Variants in LEUTX observed in about 807,000 individuals in gnomAD.
LEUTX encodes the protein leucine twenty homeobox, also known as paired-like homeodomain transcription factor LEUTX.
In LEUTX, 5 loss-of-function variants were observed where a neutral mutation model predicts 4.5. That is an observed-to-expected ratio of 1.11 (90% CI 0.58 to 2.34). The LOEUF is 2.34. Among genes scored for constraint, LEUTX ranks in the 30% most tolerant of loss-of-function variants. The probability of loss-of-function intolerance (pLI) is 0.01; values close to 1 mark genes in which losing one functional copy is unlikely to be tolerated. For missense variants in LEUTX, 233 were observed against 239.4 expected (o/e 0.97, Z 0.18); for synonymous variants, 89 against 85.1 (o/e 1.05, Z -0.25).
At chr19:39,783,138 T>C (rs368862557) in intron 1 of LEUTX, among the ~76,000 whole-genome samples, 13 of 151,704 alleles carry the variant, frequency 8.6e-5, no homozygotes, top group African/African-American at 2.9e-4. Context: ...ATGTTTGGTT[T>C]TCCATTCCTG....
intron 1 of LEUTX, among the ~76,000 whole-genome samples, chr19:39,782,201 A>G (rs1009027004): frequency 2.0e-5 from 3 of 152,132 alleles, no homozygotes; most frequent in African/African-American, 7.2e-5. Context: ...ACATCATGCC[A>G]CTATTCTATT....
chr19:39,785,793 A>C lies in LEUTX; in HGVS notation c.255A>C (p.Ser85=), dbSNP rs1287083640. The C allele has an allele frequency of 6.4e-7, 1 of 1,551,762 alleles. No individual in the cohort carries two copies. Among genetic ancestry groups the C allele is most frequent in the East Asian group, 2.4e-5 (1 of 40,928 alleles). The stretch of plus-strand genomic sequence containing the variant: ...TAGGGCCAGCAAACCAGACAACTTC[A>C]GTGAAGAAGGAGGAGACTCCCTCAG... ...PSLGPANQTT[S]VKKEETPSAI... is the part of the protein sequence containing the mutation. The change falls in exon 3 of 3, where the codon TCA becomes TCC. Residue 85 remains serine, a synonymous_variant. Coordinates refer to ENST00000638280, the MANE Select transcript of LEUTX (RefSeq NM_001382345.1).
chr19:39,780,804 C>A (rs1385297483), intron 1 of LEUTX, among the ~76,000 whole-genome samples: 1 of 151,910 alleles, frequency 6.6e-6, no homozygotes, highest in East Asian at 1.9e-4. Flanking sequence ...AGTGCAATAT[C>A]TTTTATCCGA....
chr19:39,779,875 A>T (rs1967859126), intron 1 of LEUTX, among the ~76,000 whole-genome samples: 1 of 152,126 alleles, frequency 6.6e-6, no homozygotes, highest in Non-Finnish European at 1.5e-5. Flanking sequence ...TTAGCCAGGC[A>T]TGGTGGCATG....
At chr19:39,782,324 C>G (rs1967898785) in intron 1 of LEUTX, among the ~76,000 whole-genome samples, 1 of 152,094 alleles carries the variant, frequency 6.6e-6, no homozygotes, top group Admixed American at 6.6e-5. Flanking sequence ...CGGTTTCCCC[C>G]ATACGGTGCT....
Position 39,784,523 on chromosome 19 carries a change from G to A in LEUTX, c.8-4G>A. On this transcript the variant is annotated splice_polypyrimidine_tract_variant and splice_region_variant and intron_variant, in intron 1 of 2. Coordinates refer to ENST00000638280, the MANE Select transcript of LEUTX (RefSeq NM_001382345.1). The stretch of plus-strand genomic sequence containing the variant: ...TGAAAGCCTTTTATCTGTTCCCTCT[G>A]CAGAAGGGCCAAGGCGTTATCGTCG... The A allele has an allele frequency of 1.1e-6, 1 of 935,770 alleles. No individual in the cohort carries two copies. The allele number at this position is 935,770 out of a possible 1,614,324, so 58.0% of individuals were successfully genotyped here.
chr19:39,781,252 C>A (rs1051864791), intron 1 of LEUTX, among the ~76,000 whole-genome samples: 1 of 152,046 alleles, frequency 6.6e-6, no homozygotes, highest in Admixed American at 6.6e-5. Flanking sequence ...CTTCACTGTG[C>A]GATAATTGGG....
In LEUTX at chr19:39,784,659, T is replaced by C; in HGVS notation, c.140T>C (p.Leu47Pro). Residue 47 changes from leucine (L) to proline (P), a missense_variant, in exon 2 of 3, where the codon CTT becomes CCT. Leu to Pro is a moderately conservative substitution (Grantham distance 98). Coordinates refer to ENST00000638280, the MANE Select transcript of LEUTX (RefSeq NM_001382345.1). ...TMGKLASKLQ[L>P]DLSVVKIWFK... is the part of the protein sequence containing the mutation. Reference sequence around the variant, plus strand: ...GGGAAACTGGCTTCAAAGCTACAACTTGATCTATCCGTAGTAAAGGTCTGT... The same window carrying C: ...GGGAAACTGGCTTCAAAGCTACAACCTGATCTATCCGTAGTAAAGGTCTGT... The C allele has an allele frequency of 6.4e-7, 1 of 1,551,636 alleles. No individual in the cohort carries two copies. Among genetic ancestry groups the C allele is most frequent in the African/African-American group, 1.4e-5 (1 of 73,168 alleles).
intron 2 of LEUTX, 91 bp downstream of exon 2, chr19:39,784,769 G>A: frequency 1.1e-6 from 1 of 949,010 alleles, no homozygotes; most frequent in Non-Finnish European, 1.6e-6. Context: ...CTATTTATTG[G>A]CAATTGCTAT....
rs905277512 is a variant in LEUTX at position 39,786,192 on chromosome 19, C to T, written c.*57C>T. On this transcript the variant is annotated 3_prime_UTR_variant, in exon 3 of 3. Coordinates refer to ENST00000638280, the MANE Select transcript of LEUTX (RefSeq NM_001382345.1). ...GATCTGACCCACTGAGACATATTTCCACACATCTTTAATGGTTTGACCCCA... is the reference window on the plus strand; with the variant it reads ...GATCTGACCCACTGAGACATATTTCTACACATCTTTAATGGTTTGACCCCA... 6 of 1,309,524 alleles carry T rather than the reference C, an allele frequency of 4.6e-6. No homozygotes were observed. Among genetic ancestry groups the T allele is most frequent in the Middle Eastern group, 1.9e-4 (1 of 5,210 alleles). 81.1% of individuals were successfully genotyped at this position (1,309,524 alleles called of 1,614,324 possible).
chr19:39,785,853 T>A lies in LEUTX; in HGVS notation c.315T>A (p.Pro105=). 1 of 1,551,812 alleles carries A rather than the reference T, an allele frequency of 6.4e-7. No homozygotes were observed. The highest frequency in any genetic ancestry group is 8.7e-7 in the Non-Finnish European group (1 of 1,147,020). The part of the protein sequence containing the change: ...ITTANIRPVS[P]GISDANDHDL... The stretch of plus-strand genomic sequence containing the variant: ...CTGCAAACATTCGTCCAGTAAGTCC[T>A]GGAATCTCTGATGCAAATGACCATG... Residue 105 remains proline (P), a synonymous_variant, in exon 3 of 3, where the codon CCT becomes CCA. Coordinates refer to ENST00000638280, the MANE Select transcript of LEUTX (RefSeq NM_001382345.1).
chr19:39,782,904 A>G (rs1028657495), intron 1 of LEUTX, among the ~76,000 whole-genome samples: 1 of 152,034 alleles, frequency 6.6e-6, no homozygotes, highest in Non-Finnish European at 1.5e-5. Context: ...TTCGTAGGCT[A>G]TTGGGGAACA....
intron 1 of LEUTX, among the ~76,000 whole-genome samples, chr19:39,782,493 C>A (rs1414009112): frequency 1.3e-5 from 2 of 152,172 alleles, no homozygotes; most frequent in Non-Finnish European, 2.9e-5. Flanking sequence ...CCATGTGGAA[C>A]TGTGAGTCCA....
At position 39,784,614 on chromosome 19, in the gene LEUTX, A is replaced by G. The variant is rs544666908; in HGVS notation, c.95A>G (p.His32Arg). The G allele has an allele frequency of 1.4e-4, 224 of 1,551,168 alleles. 3 individuals are homozygous for G. The South Asian group carries it at 2.4e-3, about 17-fold the overall frequency. ...AGAGAATTGCTTGAAAAGACCATGCACCCAAGTTTGGCTACAATGGGGAAA... is the reference window on the plus strand; with the variant it reads ...AGAGAATTGCTTGAAAAGACCATGCGCCCAAGTTTGGCTACAATGGGGAAA... ...ALRELLEKTMHPSLATMGKLA... is the reference protein window; with the variant it reads ...ALRELLEKTMRPSLATMGKLA... The change falls in exon 2 of 3, where the codon CAC (histidine) becomes CGC (arginine). Residue 32 changes from histidine (H) to arginine (R), a missense_variant. Coordinates refer to ENST00000638280, the MANE Select transcript of LEUTX (RefSeq NM_001382345.1).
upstream of LEUTX, among the ~76,000 whole-genome samples, chr19:39,777,828 T>C (rs1296960969): frequency 3.3e-5 from 5 of 152,176 alleles, no homozygotes; most frequent in African/African-American, 1.2e-4. Context: ...CGTAAAAAGA[T>C]ACAGATGGGT....
At chr19:39,779,262 A>T (rs947955221) in intron 1 of LEUTX, among the ~76,000 whole-genome samples, 1 of 151,986 alleles carries the variant, frequency 6.6e-6, no homozygotes. Flanking sequence ...TAATTTTTAA[A>T]TTTTTTGTAG....
Position 39,785,729 on chromosome 19 carries a change from A to G in LEUTX, c.191A>G (p.Lys64Arg), listed in dbSNP as rs1433627107. ...TTCAAGAACCAGCGTGCCAAATGGA[A>G]GAGGCAGCAGCGGCAGCAAATGCAG... is the stretch of plus-strand genomic sequence containing the variant. ...IWFKNQRAKW[K>R]RQQRQQMQTR... The change falls in exon 3 of 3, where the codon AAG becomes AGG. Residue 64 changes from lysine (K) to arginine (R), a missense_variant. Lys to Arg is a conservative substitution (Grantham distance 26). Coordinates refer to ENST00000638280, the MANE Select transcript of LEUTX (RefSeq NM_001382345.1). The G allele has an allele frequency of 6.4e-7, 1 of 1,551,782 alleles. No homozygotes were observed. Among genetic ancestry groups the G allele is most frequent in the African/African-American group, 1.4e-5 (1 of 73,048 alleles).
Position 39,786,231 on chromosome 19 carries a change from A to C in LEUTX, c.*96A>C, listed in dbSNP as rs1967971748. ...GGTTTGACCCCAGTCTAAGTAGATC[A>C]GGGGCTGGGAATTTATCTTTTTCTG... On this transcript the variant is annotated 3_prime_UTR_variant, in exon 3 of 3. Transcript: ENST00000638280. 1 of 888,926 alleles carries C rather than the reference A, an allele frequency of 1.1e-6. No homozygotes were observed. The highest frequency in any genetic ancestry group is 1.6e-6 in the Non-Finnish European group (1 of 614,058). 55.1% of individuals were successfully genotyped at this position (888,926 alleles called of 1,614,324 possible). A position where few individuals can be genotyped will look rare whatever the true frequency, so the allele number is the denominator to read the frequency against.
At chr19:39,785,493 C>G (rs558899403) in intron 2 of LEUTX, among the ~76,000 whole-genome samples, 2 of 152,128 alleles carry the variant, frequency 1.3e-5, no homozygotes, top group African/African-American at 4.8e-5. Context: ...ACATCACAAT[C>G]TAGGTCATAT....
Sources: allele counts gnomAD v4.1 joint callset (sites outside exome capture counted in the v4.1 genomes callset), GRCh38; gene constraint gnomAD v4.1.1; transcripts MANE v1.5; gene names NCBI Gene and HGNC (gene_info 2026-07-23, HGNC 2026-07-21).